Variants in ADCY5 observed in about 807,000 individuals in gnomAD.
The protein encoded by ADCY5 is adenylate cyclase type 5.
Under a neutral mutation model 119.7 loss-of-function variants are expected in ADCY5, and 30 were observed. The observed-to-expected ratio is 0.25, with a 90% CI of 0.19 to 0.34. The LOEUF is 0.34. Among genes scored for constraint, ADCY5 ranks in the 10% least tolerant of loss-of-function variants. The pLI is 1.00. For missense variants in ADCY5, 1,324 were observed against 1,775.2 expected, an observed-to-expected ratio of 0.75 and a Z score of 4.57; for synonymous variants, 753 against 762.2, an observed-to-expected ratio of 0.99 and a Z score of 0.20.
chr3:123,335,433 C>T (rs919146072), intron 3 of ADCY5, among the ~76,000 whole-genome samples: 4 of 152,192 alleles, frequency 2.6e-5, no homozygotes, highest in African/African-American at 7.2e-5. Context: ...TTAACTCGTT[C>T]GCACCTCATA....
chr3:123,410,332 C>A (rs2107622560), intron 1 of ADCY5, among the ~76,000 whole-genome samples: 1 of 152,164 alleles, frequency 6.6e-6, no homozygotes, highest in South Asian at 2.1e-4. Context: ...CCTCCTCCCC[C>A]AACCCTTATC....
At chr3:123,328,563 G>T in intron 6 of ADCY5, 81 bp downstream of exon 6, 1 of 1,496,220 alleles carries the variant, frequency 6.7e-7, no homozygotes. Context: ...GCCCCGCCTC[G>T]CCTCTGCAGG....
intron 12 of ADCY5, among the ~76,000 whole-genome samples, chr3:123,305,641 T>C (rs1009805263): frequency 9.2e-5 from 14 of 152,192 alleles, no homozygotes; most frequent in African/African-American, 2.7e-4. Context: ...TTGTGTCTTC[T>C]GCCAGCCTCT....
rs77385463 is a variant in ADCY5, at chr3:123,419,744, G to A, written c.1134+27668C>T. 6.4e-3 allele frequency among the ~76,000 whole-genome samples: 967 copies of A among 152,008 alleles called. 7 individuals are homozygous for A. Among genetic ancestry groups the A allele is most frequent in the African/African-American group, 0.021 (879 of 41,442 alleles). The stretch of plus-strand genomic sequence containing the variant: ...CCTGCCAGCGAGGCTCTTGCTGCGC[G>A]GCCCCTCTCAAAAGTGACCTCCTTC... On this transcript the variant is annotated intron_variant, in intron 1 of 20. Coordinates refer to ENST00000462833, the MANE Select transcript of ADCY5 (RefSeq NM_183357.3).
At chr3:123,410,283 C>G (rs1421830293) in intron 1 of ADCY5, among the ~76,000 whole-genome samples, 1 of 152,200 alleles carries the variant, frequency 6.6e-6, no homozygotes, top group Non-Finnish European at 1.5e-5. Context: ...AGACTCCCTC[C>G]AGGGCAGCTC....
At chr3:123,295,471 T>G (rs1939439892) in intron 17 of ADCY5, among the ~76,000 whole-genome samples, 1 of 152,146 alleles carries the variant, frequency 6.6e-6, no homozygotes, top group Admixed American at 6.5e-5. Flanking sequence ...CACCCCTTCC[T>G]CCAGGGAGAC....
At chr3:123,358,508 G>T (rs1173662385) in intron 1 of ADCY5, among the ~76,000 whole-genome samples, 2 of 152,200 alleles carry the variant, frequency 1.3e-5, no homozygotes, top group Non-Finnish European at 1.5e-5. Context: ...GCTGAGGCAG[G>T]AGGATCACTT....
At chr3:123,327,300 G>C (rs1002356095) in intron 7 of ADCY5, among the ~76,000 whole-genome samples, 5 of 152,198 alleles carry the variant, frequency 3.3e-5, no homozygotes, top group African/African-American at 1.2e-4. Flanking sequence ...AAATGAAAAG[G>C]AGAGAGATGG....
chr3:123,311,239 C>T (rs573149263), intron 12 of ADCY5, among the ~76,000 whole-genome samples: 95 of 152,298 alleles, frequency 6.2e-4, no homozygotes, highest in African/African-American at 2.0e-3. Context: ...CTGGTAAAAC[C>T]GCAAATGTTT....
At chr3:123,305,783 G>A (rs1940166064) in intron 12 of ADCY5, among the ~76,000 whole-genome samples, 2 of 152,162 alleles carry the variant, frequency 1.3e-5, no homozygotes, top group Admixed American at 1.3e-4. Flanking sequence ...ATATCTTTCT[G>A]ACCCCAGAAT....
intron 1 of ADCY5, among the ~76,000 whole-genome samples, chr3:123,428,760 G>A (rs1260472321): frequency 6.6e-6 from 1 of 152,148 alleles, no homozygotes; most frequent in African/African-American, 2.4e-5. Context: ...TGCGGGGGGT[G>A]CCTATTTGGG....
chr3:123,441,924 CA>C (rs1945730135), intron 1 of ADCY5, among the ~76,000 whole-genome samples: 1 of 144,574 alleles, frequency 6.9e-6, no homozygotes, highest in Non-Finnish European at 1.5e-5. Context: ...ATTTTCTTCA[CA>C]ATGCTGTAAA....
At chr3:123,433,037 A>G (rs1945550932) in intron 1 of ADCY5, among the ~76,000 whole-genome samples, 2 of 152,354 alleles carry the variant, frequency 1.3e-5, no homozygotes, top group Middle Eastern at 3.4e-3. Context: ...CTCAGTAAAT[A>G]TTTGGGGATT....
chr3:123,303,485 C>A (rs1442821572), intron 13 of ADCY5, among the ~76,000 whole-genome samples: 1 of 152,120 alleles, frequency 6.6e-6, no homozygotes, highest in Non-Finnish European at 1.5e-5. Flanking sequence ...CTGGCCCCAC[C>A]AGGCTTGAGA....
At chr3:123,388,112 G>A (rs1944286821) in intron 1 of ADCY5, among the ~76,000 whole-genome samples, 1 of 152,192 alleles carries the variant, frequency 6.6e-6, no homozygotes, top group South Asian at 2.1e-4. Context: ...GGCCAGAATG[G>A]CAAGGAAGTG....
chr3:123,327,873 G>A, intron 6 of ADCY5, 114 bp from the exon 7 acceptor site: 1 of 1,277,952 alleles, frequency 7.8e-7, no homozygotes. Flanking sequence ...AAACCCTAGG[G>A]CCCCAAGCTC....
intron 3 of ADCY5, among the ~76,000 whole-genome samples, chr3:123,342,806 G>A (rs1184596905): frequency 2.0e-5 from 3 of 152,224 alleles, no homozygotes; most frequent in African/African-American, 7.2e-5. Context: ...GAATCCTTCA[G>A]AGCCCTCTCA....
At chr3:123,346,607 T>TCTCTCTCTCTCTC (rs1316376575) in intron 3 of ADCY5, among the ~76,000 whole-genome samples, 2 of 128,072 alleles carry the variant, frequency 1.6e-5, no homozygotes, top group East Asian at 4.9e-4. Context: ...CAGCCTCACC[T>TCTCTCTCTCTCTC]TCTCTCTCTC....
At chr3:123,332,471 C>A in intron 4 of ADCY5, 93 bp downstream of exon 4, 1 of 923,566 alleles carries the variant, frequency 1.1e-6, no homozygotes, top group South Asian at 1.5e-5. Flanking sequence ...CAGGCACATG[C>A]CCATCCCTGG....
Sources: gnomAD v4.1 joint callset for allele counts (sites outside exome capture counted in the v4.1 genomes callset) on GRCh38, gnomAD v4.1.1 for gene constraint, MANE v1.5 for transcripts, NCBI Gene and HGNC (gene_info 2026-07-23, HGNC 2026-07-21) for gene names.